SORBS2: variants seen among roughly 807,000 people sequenced by gnomAD.
The protein encoded by SORBS2 is sorbin and SH3 domain containing 2.
In SORBS2, 46 loss-of-function variants were observed where a neutral mutation model predicts 97.7. The observed-to-expected ratio is 0.47, with a 90% CI of 0.37 to 0.60. The LOEUF (loss-of-function observed/expected upper bound fraction) is 0.60. SORBS2 is among the 20% of genes least tolerant of loss of function. The pLI is 0.00. For synonymous variants in SORBS2, 476 were observed against 473.4 expected (o/e 1.01, Z -0.07); for missense variants, 1,316 against 1,282.3 (o/e 1.03, Z -0.40).
intron 1 of SORBS2, among the ~76,000 whole-genome samples, chr4:185,855,703 C>G (rs932053344): frequency 1.3e-5 from 2 of 152,108 alleles, no homozygotes; most frequent in African/African-American, 4.8e-5. Context: ...GTGTCTGTAC[C>G]CTCATAAGAT....
At chr4:185,717,331 T>C (rs112662528) in intron 2 of SORBS2, among the ~76,000 whole-genome samples, 5,502 of 152,306 alleles carry the variant, frequency 0.036, 363 homozygotes, top group African/African-American at 0.13. Flanking sequence ...AATTTTTTTC[T>C]GTTACTTCCT....
intron 1 of SORBS2, among the ~76,000 whole-genome samples, chr4:185,784,987 A>G (rs569966623): frequency 6.6e-6 from 1 of 152,194 alleles, no homozygotes; most frequent in East Asian, 1.9e-4. Flanking sequence ...AGTGATATCA[A>G]GAGAAATAAG....
At position 185,881,861 on chromosome 4, in the gene SORBS2, T is replaced by A. The variant is rs181676122; in HGVS notation, c.-338+74335A>T. ...AAGAAGAAGTATAAAATTGTTAATG[T>A]TGTTTATCTTTCATATGATTGAGTT... On this transcript the variant is annotated intron_variant, in intron 1 of 20. Transcript: ENST00000284776. 2.0e-3 allele frequency among the ~76,000 whole-genome samples: 311 copies of A among 152,326 alleles called. 1 individual carries two copies. The Middle Eastern group carries it at 0.024, about 12-fold the overall frequency.
At chr4:185,709,159 C>T (rs1234397463) in intron 2 of SORBS2, among the ~76,000 whole-genome samples, 1 of 152,204 alleles carries the variant, frequency 6.6e-6, no homozygotes, top group African/African-American at 2.4e-5. Context: ...GCTGGGATTA[C>T]AGGCATGCAC....
At chr4:185,822,381 C>T (rs1183219952) in intron 1 of SORBS2, among the ~76,000 whole-genome samples, 2 of 152,204 alleles carry the variant, frequency 1.3e-5, no homozygotes, top group African/African-American at 4.8e-5. Flanking sequence ...GAGGAGGAAA[C>T]GCTGCCCAGC....
At chr4:185,874,889 T>C (rs1050838006) in intron 1 of SORBS2, among the ~76,000 whole-genome samples, 3 of 151,500 alleles carry the variant, frequency 2.0e-5, no homozygotes, top group Non-Finnish European at 4.4e-5. Context: ...TACAGTATAT[T>C]GTGTTTGGCA....
intron 1 of SORBS2, among the ~76,000 whole-genome samples, chr4:185,911,664 G>A (rs950207987): frequency 7.9e-5 from 12 of 152,138 alleles, no homozygotes; most frequent in African/African-American, 2.9e-4. Flanking sequence ...CTGTCACGTT[G>A]GCCAGGTGGC....
chr4:185,858,012 C>T (rs1561240737), intron 1 of SORBS2, among the ~76,000 whole-genome samples: 1 of 152,132 alleles, frequency 6.6e-6, no homozygotes, highest in African/African-American at 2.4e-5. Context: ...TCTCTGTGAC[C>T]TACTCCCTGT....
intron 1 of SORBS2, among the ~76,000 whole-genome samples, chr4:185,954,987 C>T (rs933856046): frequency 1.4e-4 from 22 of 152,046 alleles, no homozygotes; most frequent in African/African-American, 4.8e-4. Flanking sequence ...ACAGTACCAC[C>T]GGGCTAGCAA....
At chr4:185,734,437 G>A (rs2098668565) in intron 2 of SORBS2, among the ~76,000 whole-genome samples, 1 of 152,170 alleles carries the variant, frequency 6.6e-6, no homozygotes, top group Non-Finnish European at 1.5e-5. Flanking sequence ...GGTTTTAGGT[G>A]GGGGTGAAGC....
At chr4:185,895,642 A>G (rs2099244665) in intron 1 of SORBS2, among the ~76,000 whole-genome samples, 1 of 152,216 alleles carries the variant, frequency 6.6e-6, no homozygotes, top group African/African-American at 2.4e-5. Flanking sequence ...GGTCCTAGAC[A>G]GTACTTTCTG....
At chr4:185,743,248 T>A (rs2153587754) in intron 2 of SORBS2, among the ~76,000 whole-genome samples, 1 of 152,336 alleles carries the variant, frequency 6.6e-6, no homozygotes, top group South Asian at 2.1e-4. Flanking sequence ...AGGGGAAATT[T>A]GCTGTTAATA....
At chr4:185,634,612 A>G (rs1349034372) in intron 4 of SORBS2, among the ~76,000 whole-genome samples, 2 of 152,016 alleles carry the variant, frequency 1.3e-5, no homozygotes, top group Non-Finnish European at 2.9e-5. Context: ...ACTCTGAATC[A>G]TTTCTGCCTG....
At chr4:185,695,467 T>C (rs1316329246) in intron 2 of SORBS2, among the ~76,000 whole-genome samples, 1 of 151,944 alleles carries the variant, frequency 6.6e-6, no homozygotes, top group Non-Finnish European at 1.5e-5. Flanking sequence ...AAAGGACATA[T>C]TGATGTTTAA....
chr4:185,863,001 T>C (rs2149715504), intron 1 of SORBS2, among the ~76,000 whole-genome samples: 1 of 152,352 alleles, frequency 6.6e-6, no homozygotes, highest in Non-Finnish European at 1.5e-5. Context: ...CCCTCATCCC[T>C]GCCTGTGCCA....
chr4:185,752,066 C>G (rs555302351), intron 2 of SORBS2, among the ~76,000 whole-genome samples: 11 of 152,174 alleles, frequency 7.2e-5, no homozygotes, highest in African/African-American at 2.4e-4. Context: ...CACAACCTGG[C>G]TCCAGATGTC....
At chr4:185,736,614 G>A (rs185545209) in intron 2 of SORBS2, among the ~76,000 whole-genome samples, 1 of 152,324 alleles carries the variant, frequency 6.6e-6, no homozygotes, top group Admixed American at 6.5e-5. Flanking sequence ...ACAGGCACAA[G>A]GTATGTACTG....
chr4:185,588,664 G>A (rs941951576), intron 14 of SORBS2, among the ~76,000 whole-genome samples: 1 of 138,270 alleles, frequency 7.2e-6, no homozygotes, highest in Admixed American at 7.8e-5. Context: ...GCCCAGGCTG[G>A]AGTGCAGTGG....
At chr4:185,720,378 A>G (rs1465542474) in intron 2 of SORBS2, among the ~76,000 whole-genome samples, 7 of 152,104 alleles carry the variant, frequency 4.6e-5, no homozygotes, top group African/African-American at 1.4e-4. Flanking sequence ...AAAGTCCCCA[A>G]TTTTACATTA....
Sources: allele counts gnomAD v4.1 joint callset (sites outside exome capture counted in the v4.1 genomes callset), GRCh38; gene constraint gnomAD v4.1.1; transcripts MANE v1.5; gene names NCBI Gene and HGNC (gene_info 2026-07-23, HGNC 2026-07-21).